Variants in DLGAP2 observed in about 807,000 individuals in gnomAD.
The protein encoded by DLGAP2 is disks large-associated protein 2.
Under a neutral mutation model 100.3 loss-of-function variants are expected in DLGAP2, and 26 were observed. The observed-to-expected ratio is 0.26, with a 90% CI of 0.19 to 0.36. The LOEUF (loss-of-function observed/expected upper bound fraction) is 0.36. DLGAP2 is among the 10% of genes least tolerant of loss of function. The pLI is 1.00. For missense variants in DLGAP2, 1,858 were observed against 1,453.2 expected (o/e 1.28, Z -4.53); for synonymous variants, 886 against 630.1 (o/e 1.41, Z -6.08).
intron 3 of DLGAP2, among the ~76,000 whole-genome samples, chr8:1,447,990 A>C (rs903647622): frequency 2.0e-5 from 3 of 151,828 alleles, no homozygotes; most frequent in African/African-American, 7.3e-5. Context: ...CTTCTTTATT[A>C]GTCTTGCTAG....
At chr8:1,276,396 T>C (rs57662641) in intron 3 of DLGAP2, among the ~76,000 whole-genome samples, 53,870 of 151,860 alleles carry the variant, frequency 0.35, 9,898 homozygotes, top group African/African-American at 0.44. Context: ...GTTTTGGATC[T>C]TGGCCGCACG....
At chr8:973,644 A>C (rs1009680104) in intron 2 of DLGAP2, among the ~76,000 whole-genome samples, 1 of 152,228 alleles carries the variant, frequency 6.6e-6, no homozygotes, top group Non-Finnish European at 1.5e-5. Flanking sequence ...AGCCGAGATC[A>C]CGCCACTGCA....
intron 1 of DLGAP2, among the ~76,000 whole-genome samples, chr8:906,160 G>A (rs919113651): frequency 3.9e-5 from 6 of 152,240 alleles, no homozygotes; most frequent in Admixed American, 6.5e-5. Context: ...GATTTCAGCC[G>A]GGAGGAGACC....
intron 1 of DLGAP2, among the ~76,000 whole-genome samples, chr8:881,296 C>T (rs983610981): frequency 5.9e-5 from 9 of 152,252 alleles, no homozygotes; most frequent in Non-Finnish European, 7.4e-5. Flanking sequence ...CTGTGAATCT[C>T]ATTTATTCCT....
At chr8:805,031 A>G (rs971609986) in intron 1 of DLGAP2, among the ~76,000 whole-genome samples, 3 of 152,072 alleles carry the variant, frequency 2.0e-5, no homozygotes, top group Admixed American at 6.6e-5. Flanking sequence ...TTGCCCTCCC[A>G]AATTGTTGGG....
chr8:1,211,184 T>C (rs1447240605), intron 2 of DLGAP2, among the ~76,000 whole-genome samples: 1 of 152,226 alleles, frequency 6.6e-6, no homozygotes, highest in East Asian at 1.9e-4. Flanking sequence ...CACAACATTC[T>C]CAGGGGCCAC....
intron 2 of DLGAP2, chr8:1,033,051 T>G (rs1802018179): frequency 6.6e-6 from 1 of 152,238 alleles, no homozygotes; most frequent in Non-Finnish European, 1.5e-5. Flanking sequence ...TGATAGCAGT[T>G]CTAATGCTTT....
chr8:925,329 C>G (rs560997334), intron 2 of DLGAP2, among the ~76,000 whole-genome samples: 2 of 151,926 alleles, frequency 1.3e-5, no homozygotes, highest in Non-Finnish European at 2.9e-5. Context: ...CTTATGTTGC[C>G]GAGGCTGGTC....
intron 14 of DLGAP2, among the ~76,000 whole-genome samples, chr8:1,700,631 G>A (rs1453662502): frequency 6.6e-6 from 1 of 152,258 alleles, no homozygotes; most frequent in Non-Finnish European, 1.5e-5. Context: ...AAGCAGGCAA[G>A]TGAATAGTGG....
intron 2 of DLGAP2, among the ~76,000 whole-genome samples, chr8:1,253,585 A>C (rs1396060780): frequency 6.6e-6 from 1 of 152,150 alleles, no homozygotes; most frequent in Middle Eastern, 3.2e-3. Context: ...GTGCCAGAAA[A>C]CACTGGGCTG....
At position 1,434,854 on chromosome 8, in the gene DLGAP2, C is replaced by T. The variant is rs371103940; in HGVS notation, c.107-66512C>T. On this transcript the variant is annotated intron_variant, in intron 3 of 14. Transcript: ENST00000637795. The stretch of plus-strand genomic sequence containing the variant: ...TATCGTTCCTTCCTCCTCCCTTCAT[C>T]CTTCCTCCCCTCCCTCCTCCATGGT... 5.3e-5 allele frequency among the ~76,000 whole-genome samples: 8 copies of T among 152,192 alleles called. No individual in the cohort carries two copies. The South Asian group carries it at 1.0e-3, about 20-fold the overall frequency.
intron 2 of DLGAP2, among the ~76,000 whole-genome samples, chr8:934,987 G>A (rs1799037550): frequency 1.3e-5 from 2 of 152,194 alleles, no homozygotes; most frequent in Non-Finnish European, 2.9e-5. Flanking sequence ...CCCTCTGAGT[G>A]TGATTTGTAG....
At chr8:765,086 G>C (rs1266453045) in intron 1 of DLGAP2, among the ~76,000 whole-genome samples, 2 of 152,134 alleles carry the variant, frequency 1.3e-5, no homozygotes, top group Admixed American at 6.5e-5. Flanking sequence ...TTGCAGAAAG[G>C]GACTTGAGGA....
intron 8 of DLGAP2, among the ~76,000 whole-genome samples, chr8:1,647,262 G>A (rs1489882826): frequency 6.6e-6 from 1 of 152,056 alleles, no homozygotes; most frequent in African/African-American, 2.4e-5. Context: ...GCTGCTCACA[G>A]TTAGATGGGA....
chr8:1,212,701 A>T (rs1390748765), intron 2 of DLGAP2, among the ~76,000 whole-genome samples: 1 of 151,826 alleles, frequency 6.6e-6, no homozygotes, highest in Non-Finnish European at 1.5e-5. Context: ...GTGATTAAGA[A>T]ACCTTCTTAT....
chr8:1,269,842 G>A (rs1270619692), intron 3 of DLGAP2, among the ~76,000 whole-genome samples: 8 of 152,082 alleles, frequency 5.3e-5, no homozygotes, highest in Non-Finnish European at 7.4e-5. Flanking sequence ...TAATGGGCGC[G>A]CCAGAAGCCC....
intron 2 of DLGAP2, among the ~76,000 whole-genome samples, chr8:1,060,412 C>G (rs1482260481): frequency 6.6e-6 from 1 of 151,630 alleles, no homozygotes; most frequent in African/African-American, 2.4e-5. Context: ...GTTGGTCCCT[C>G]CGCTGTGTCC....
intron 2 of DLGAP2, among the ~76,000 whole-genome samples, chr8:1,205,693 A>C (rs1430047574): frequency 6.6e-6 from 1 of 152,184 alleles, no homozygotes; most frequent in Non-Finnish European, 1.5e-5. Context: ...TGACCGGAGC[A>C]CTGGGATTCG....
At chr8:1,267,617 A>AAAATAAAATAAAATAAAC (rs1799490458) in intron 3 of DLGAP2, among the ~76,000 whole-genome samples, 1 of 119,184 alleles carries the variant, frequency 8.4e-6, no homozygotes, top group Admixed American at 8.0e-5. Context: ...ATAAGATAAG[A>AAAATAAAATAAAATAAAC]TAAGATAAAT....
Sources: allele counts gnomAD v4.1 joint callset (sites outside exome capture counted in the v4.1 genomes callset), GRCh38; gene constraint gnomAD v4.1.1; transcripts MANE v1.5; gene names NCBI Gene and HGNC (gene_info 2026-07-23, HGNC 2026-07-21).